Variants in ANKRD18A observed in about 807,000 individuals in gnomAD.
The protein encoded by ANKRD18A is ankyrin repeat domain-containing protein 18A.
A neutral mutation model predicts 110.6 loss-of-function variants in ANKRD18A; 72 were observed. That is an observed-to-expected ratio of 0.65 (90% confidence interval 0.54 to 0.79). The LOEUF (loss-of-function observed/expected upper bound fraction) is 0.79. Among genes scored for constraint, ANKRD18A ranks in the 30% least tolerant of loss-of-function variants. The pLI, the probability that ANKRD18A is intolerant of heterozygous loss-of-function variation, is 0.00. For synonymous variants in ANKRD18A, 305 were observed against 410.3 expected (o/e 0.74, Z 3.10); for missense variants, 934 against 1,163.3 (o/e 0.80, Z 2.87).
At chr9:38,568,048 C>G (rs1175490339), downstream of ANKRD18A, 1 of 152,410 alleles carries the variant, frequency 6.6e-6, no homozygotes, top group African/African-American at 2.4e-5. Context: ...TGTCTCCAGG[C>G]TGTCTCTTCA....
In ANKRD18A at chr9:38,616,011, A is replaced by G. The variant is rs753973340; in HGVS notation, c.240T>C (p.Arg80=). ...TVLHLACAHG[R]VQVVTLLLHR... The stretch of plus-strand genomic sequence containing the variant: ...GCAGCAAGAGAGTGACCACTTGCAC[A>G]CGGCCATGGGCACAGGCCAAATGTA... Residue 80 remains arginine, a synonymous_variant, in exon 2 of 16, where the codon CGT becomes CGC. Coordinates refer to ENST00000399703, the MANE Select transcript of ANKRD18A (RefSeq NM_147195.4). 1 of 1,593,700 alleles carries G rather than the reference A, an allele frequency of 6.3e-7. No homozygotes were observed.
intron 11 of ANKRD18A, among the ~76,000 whole-genome samples, chr9:38,587,635 A>C (rs182151208): frequency 5.0e-4 from 76 of 152,334 alleles, no homozygotes; most frequent in Middle Eastern, 3.4e-3. Context: ...AAAGAAGGAC[A>C]CAAATAGGTC....
chr9:38,589,455 TTTAA>T (rs1296494274), intron 10 of ANKRD18A, among the ~76,000 whole-genome samples: 71 of 152,390 alleles, frequency 4.7e-4, no homozygotes, highest in African/African-American at 1.6e-3. Flanking sequence ...CCTGTCACAA[TTTAA>T]TTAATTGTTC....
chr9:38,577,192 G>A lies in ANKRD18A; in HGVS notation c.2602C>T (p.Leu868Phe). 1 of 1,547,846 alleles carries A rather than the reference G, an allele frequency of 6.5e-7. No individual in the cohort carries two copies. The highest frequency in any genetic ancestry group is 8.7e-7 in the Non-Finnish European group (1 of 1,146,212). ...DNTASLKKKE[L>F]TLKDVECKFS... Reference sequence around the variant, plus strand: ...TTACATTCCACATCTTTAAGTGTGAGTTCCTTCTTTTTTAGTGAAGCCGTA... The same window carrying A: ...TTACATTCCACATCTTTAAGTGTGAATTCCTTCTTTTTTAGTGAAGCCGTA... Residue 868 changes from leucine (L) to phenylalanine (F), a missense_variant, in exon 14 of 16, where the codon CTC becomes TTC. Physicochemically the swap from Leu to Phe is conservative, Grantham distance 22 (BLOSUM62 0). Transcript: ENST00000399703.
At position 38,577,117 on chromosome 9, in the gene ANKRD18A, C is replaced by G; in HGVS notation, c.2677G>C (p.Glu893Gln). ...AYEEVTTELE[E>Q]FKEAFAGAVK... ...GCTCCTGCAAAGGCTTCCTTAAATT[C>G]TTCTAATTCAGTTGTAACCTCTTCA... The change falls in exon 14 of 16, where the codon GAA becomes CAA. Residue 893 changes from glutamate (E) to glutamine (Q), a missense_variant. Glu to Gln is a conservative substitution (Grantham distance 29). Transcript: ENST00000399703. 1 of 1,549,346 alleles carries G rather than the reference C, an allele frequency of 6.5e-7. No homozygotes were observed.
chr9:38,615,860 A>G, intron 2 of ANKRD18A, 70 bp downstream of exon 2: 1 of 1,521,874 alleles, frequency 6.6e-7, no homozygotes, highest in African/African-American at 1.4e-5. Context: ...TTTAAATGAG[A>G]CAAATTCATT....
rs774159925 is a variant in ANKRD18A at position 38,575,602 on chromosome 9, T to C, written c.2838A>G (p.Pro946=). 65 of 1,551,570 alleles carry C rather than the reference T, an allele frequency of 4.2e-5. No homozygotes were observed. The South Asian group carries it at 7.6e-4, about 18-fold the overall frequency. The change falls in exon 15 of 16, where the codon CCA becomes CCG. Residue 946 remains proline, a synonymous_variant. Coordinates refer to ENST00000399703, the MANE Select transcript of ANKRD18A (RefSeq NM_147195.4). Reference sequence around the variant, plus strand: ...TAAGATTTTCAACACAAGGTAACTCTGGTTCTGGCCTTGTAGGAAGAGTGC... The same window carrying C: ...TAAGATTTTCAACACAAGGTAACTCCGGTTCTGGCCTTGTAGGAAGAGTGC... ...FLSTLPTRPE[P]ELPCVENLNS...
rs915646273 is a variant in ANKRD18A, at chr9:38,615,162, A to G, written c.495+432T>C. ...TTGATTGCTCTCCTTTTCCCTTTCT[A>G]TTTTTCCCTGTTAAACCTTGCCCAT... On this transcript the variant is annotated intron_variant, in intron 3 of 15. Coordinates refer to ENST00000399703, the MANE Select transcript of ANKRD18A (RefSeq NM_147195.4). 7.9e-5 allele frequency among the ~76,000 whole-genome samples: 12 copies of G among 152,136 alleles called. 1 individual carries two copies. Among genetic ancestry groups the G allele is most frequent in the Admixed American group, 6.5e-4 (10 of 15,276 alleles).
chr9:38,606,433 G>A (rs7044909), intron 6 of ANKRD18A, among the ~76,000 whole-genome samples: 1,888 of 152,130 alleles, frequency 0.012, 38 homozygotes, highest in African/African-American at 0.043. Flanking sequence ...ACTTTTGGGA[G>A]GATTTGCTTA....
chr9:38,567,834 C>T (rs1374561879), downstream of ANKRD18A: 2 of 152,178 alleles, frequency 1.3e-5, no homozygotes, highest in Non-Finnish European at 2.9e-5. Flanking sequence ...TTCTTAAAGC[C>T]CGTCACCATA....
chr9:38,574,508 G>A (rs894733749), intron 15 of ANKRD18A, among the ~76,000 whole-genome samples: 1 of 152,058 alleles, frequency 6.6e-6, no homozygotes, highest in African/African-American at 2.4e-5. Flanking sequence ...GTAGAGACGG[G>A]GTTTCATCAT....
At position 38,586,301 on chromosome 9, in the gene ANKRD18A, C is replaced by G. The variant is rs565586851; in HGVS notation, c.2129G>C (p.Cys710Ser). 9 of 1,582,886 alleles carry G rather than the reference C, an allele frequency of 5.7e-6. No homozygotes were observed. In the African/African-American group the frequency reaches 1.1e-4, roughly 19 times the overall value. ...TAACATATTTATTGTCATTTCTAGG[C>G]ATTTCTTATATCTGCAGAAATGTAA... ...LEEEATGYKK[C>S]LEMTINMLNA... is the part of the protein sequence containing the mutation. Residue 710 changes from cysteine (C) to serine (S), a missense_variant, in exon 12 of 16, where the codon TGC becomes TCC. Cys to Ser is a moderately radical substitution (Grantham distance 112). Transcript: ENST00000399703.
intron 3 of ANKRD18A, among the ~76,000 whole-genome samples, chr9:38,612,118 G>C (rs1414888062): frequency 6.6e-6 from 1 of 152,122 alleles, no homozygotes; most frequent in Non-Finnish European, 1.5e-5. Flanking sequence ...AGAGAGATTG[G>C]CTTCAAATGC....
intron 12 of ANKRD18A, among the ~76,000 whole-genome samples, chr9:38,578,922 T>C (rs1824032027): frequency 6.6e-6 from 1 of 152,206 alleles, no homozygotes; most frequent in South Asian, 2.1e-4. Context: ...ATAAGGATTC[T>C]GATGCCATAA....
In ANKRD18A at chr9:38,593,863, G is replaced by A. The variant is rs1384388489; in HGVS notation, c.1901C>T (p.Thr634Ile). The change falls in exon 10 of 16, where the codon ACA becomes ATA. Residue 634 changes from threonine (T) to isoleucine (I), a missense_variant. This residue lies in a region of ANKRD18A where 630 missense variants were observed against 797.5 expected (regional missense o/e 0.79). Transcript: ENST00000399703. ...FQEELVDHLK[T>I]FSISESPLEG... ...CAGTGGAGACTCTGATATTGAAAAT[G>A]TTTTAAGGTGATCGACCAGTTCTTC... The A allele has an allele frequency of 2.0e-6, 3 of 1,529,966 alleles. No individual in the cohort carries two copies. Among genetic ancestry groups the A allele is most frequent in the Admixed American group, 4.2e-5 (2 of 47,526 alleles). The allele number at this position is 1,529,966 out of a possible 1,614,324, so 94.8% of individuals were successfully genotyped here. A position where few individuals can be genotyped will look rare whatever the true frequency, so the allele number is the denominator to read the frequency against.
rs963874056 is a variant in ANKRD18A, at chr9:38,577,179, T to G, written c.2615A>C (p.Asp872Ala). The change falls in exon 14 of 16, where the codon GAT (aspartate) becomes GCT (alanine). Residue 872 changes from aspartate (D) to alanine (A), a missense_variant. Transcript: ENST00000399703. ...CATTTTGGAGAATTTACATTCCACA[T>G]CTTTAAGTGTGAGTTCCTTCTTTTT... Reference protein sequence around the residue: ...SLKKKELTLKDVECKFSKMKT... With the variant: ...SLKKKELTLKAVECKFSKMKT... The G allele has an allele frequency of 6.5e-7, 1 of 1,548,430 alleles. No individual in the cohort carries two copies. Among genetic ancestry groups the G allele is most frequent in the African/African-American group, 1.4e-5 (1 of 72,924 alleles).
chr9:38,580,267 G>A (rs972260710), intron 12 of ANKRD18A, among the ~76,000 whole-genome samples: 5 of 152,184 alleles, frequency 3.3e-5, no homozygotes, highest in African/African-American at 1.2e-4. Context: ...AGGTGCAATG[G>A]TGCACGCCCA....
intron 6 of ANKRD18A, among the ~76,000 whole-genome samples, chr9:38,603,896 C>T (rs1587529021): frequency 6.6e-6 from 1 of 152,200 alleles, no homozygotes; most frequent in Admixed American, 6.5e-5. Flanking sequence ...CCCAATACCC[C>T]TCCTCATCTT....
intron 10 of ANKRD18A, among the ~76,000 whole-genome samples, chr9:38,589,579 C>T (rs1341024313): frequency 6.6e-6 from 1 of 152,184 alleles, no homozygotes; most frequent in African/African-American, 2.4e-5. Flanking sequence ...TGTTCTGGGC[C>T]CAGTTTGTCA....
Sources: allele counts gnomAD v4.1 joint callset (sites outside exome capture counted in the v4.1 genomes callset), GRCh38; gene constraint gnomAD v4.1.1; regional missense constraint gnomAD v4.1.1; transcripts MANE v1.5; gene names NCBI Gene and HGNC (gene_info 2026-07-23, HGNC 2026-07-21).